The following DCC variants were observed in gnomAD, a reference collection of about 807,000 sequenced individuals.
DCC encodes the protein DCC netrin 1 receptor, also known as netrin receptor DCC.
Under a neutral mutation model 172.5 loss-of-function variants are expected in DCC, and 58 were observed. The observed-to-expected ratio is 0.34, with a 90% CI of 0.27 to 0.42. The LOEUF (loss-of-function observed/expected upper bound fraction) is 0.42. DCC is among the 10% of genes least tolerant of loss of function. DCC has a pLI of 1.00. For synonymous variants in DCC, 709 were observed against 644.5 expected, an observed-to-expected ratio of 1.10 and a Z score of -1.52; for missense variants, 1,740 against 1,791.0, an observed-to-expected ratio of 0.97 and a Z score of 0.51.
intron 1 of DCC, among the ~76,000 whole-genome samples, chr18:52,463,743 A>G (rs12456332): frequency 0.22 from 33,249 of 152,180 alleles, 4,485 homozygotes; most frequent in Admixed American, 0.31. Context: ...TGCTGAGGAT[A>G]TAACAAAAAC....
intron 1 of DCC, among the ~76,000 whole-genome samples, chr18:52,430,950 ACT>A (rs1469023767): frequency 6.6e-6 from 1 of 152,072 alleles, no homozygotes; most frequent in East Asian, 1.9e-4. Context: ...GAATTTACAA[ACT>A]CTTTATTTTT....
At chr18:52,636,117 A>T (rs552047637) in intron 1 of DCC, among the ~76,000 whole-genome samples, 7 of 152,130 alleles carry the variant, frequency 4.6e-5, no homozygotes, top group Non-Finnish European at 1.0e-4. Flanking sequence ...GAAATTTCTG[A>T]CTTTACCTGG....
intron 1 of DCC, among the ~76,000 whole-genome samples, chr18:52,685,752 T>G (rs907334154): frequency 1.3e-5 from 2 of 152,124 alleles, no homozygotes; most frequent in African/African-American, 4.8e-5. Context: ...TCAAGTACTA[T>G]TATATTTTCA....
chr18:52,491,923 T>C (rs530738612), intron 1 of DCC, among the ~76,000 whole-genome samples: 1 of 152,020 alleles, frequency 6.6e-6, no homozygotes, highest in African/African-American at 2.4e-5. Context: ...AGTGGTCTTC[T>C]AGGGGTGGTG....
intron 1 of DCC, among the ~76,000 whole-genome samples, chr18:52,483,087 T>C (rs766191411): frequency 1.3e-5 from 2 of 152,142 alleles, no homozygotes; most frequent in Admixed American, 6.6e-5. Flanking sequence ...CTTGCTGTTA[T>C]ATAACTCTAA....
At chr18:52,955,510 A>G (rs1323209160) in intron 5 of DCC, among the ~76,000 whole-genome samples, 1 of 152,118 alleles carries the variant, frequency 6.6e-6, no homozygotes, top group African/African-American at 2.4e-5. Context: ...TCTATAAACA[A>G]CTATGTGTAG....
At chr18:53,111,290 C>A (rs1312967923) in intron 7 of DCC, among the ~76,000 whole-genome samples, 1 of 148,384 alleles carries the variant, frequency 6.7e-6, no homozygotes, top group Non-Finnish European at 1.5e-5. Context: ...AGGAGATATA[C>A]CTAATGCTAA....
intron 27 of DCC, among the ~76,000 whole-genome samples, chr18:53,519,874 C>T (rs895065447): frequency 1.3e-5 from 2 of 152,150 alleles, no homozygotes; most frequent in Admixed American, 1.3e-4. Flanking sequence ...TTTGATATCC[C>T]AAAGTAATAA....
chr18:52,391,823 C>T (rs963983947), intron 1 of DCC, among the ~76,000 whole-genome samples: 6 of 152,124 alleles, frequency 3.9e-5, no homozygotes, highest in Non-Finnish European at 8.8e-5. Flanking sequence ...TATACTTAAC[C>T]TGCTTATGCC....
intron 16 of DCC, among the ~76,000 whole-genome samples, chr18:53,389,958 G>C (rs900071902): frequency 6.6e-6 from 1 of 152,184 alleles, no homozygotes; most frequent in Non-Finnish European, 1.5e-5. Context: ...AGAGGAGTTT[G>C]TAAATTAGAA....
chr18:53,501,494 TAAAA>T (rs2046097161), intron 27 of DCC, among the ~76,000 whole-genome samples: 1 of 152,220 alleles, frequency 6.6e-6, no homozygotes, highest in Non-Finnish European at 1.5e-5. Flanking sequence ...AGAAACATCT[TAAAA>T]TAATTCTGAA....
chr18:52,940,978 G>C (rs1022944030), intron 5 of DCC: 1 of 152,082 alleles, frequency 6.6e-6, no homozygotes, highest in Admixed American at 6.6e-5. Context: ...AGGCCTCAAA[G>C]GTTAACTGAA....
chr18:52,831,628 GC>G (rs5824968), intron 2 of DCC, among the ~76,000 whole-genome samples: 3,192 of 152,184 alleles, frequency 0.021, 123 homozygotes, highest in African/African-American at 0.07. Context: ...AGATTTTGGG[GC>G]CTGAGAAACT....
intron 1 of DCC, among the ~76,000 whole-genome samples, chr18:52,534,034 A>G (rs1598893929): frequency 6.6e-6 from 1 of 152,248 alleles, no homozygotes; most frequent in Non-Finnish European, 1.5e-5. Flanking sequence ...GTGCTTTAGT[A>G]GTTCATTCCT....
intron 7 of DCC, among the ~76,000 whole-genome samples, chr18:53,119,787 G>A (rs1045055162): frequency 1.3e-5 from 2 of 151,864 alleles, no homozygotes; most frequent in South Asian, 2.1e-4. Flanking sequence ...TTGCATCACC[G>A]CTGTTGGTGC....
At chr18:52,485,139 T>C (rs2030153828) in intron 1 of DCC, among the ~76,000 whole-genome samples, 1 of 152,090 alleles carries the variant, frequency 6.6e-6, no homozygotes, top group Non-Finnish European at 1.5e-5. Flanking sequence ...ACATGACATG[T>C]GGTTTCTTCT....
At chr18:53,321,203 C>T (rs2057408151) in intron 13 of DCC, among the ~76,000 whole-genome samples, 1 of 152,132 alleles carries the variant, frequency 6.6e-6, no homozygotes, top group Non-Finnish European at 1.5e-5. Context: ...TGGGGGATAA[C>T]AGTTACATTT....
intron 1 of DCC, among the ~76,000 whole-genome samples, chr18:52,442,056 G>A (rs1987987669): frequency 6.6e-6 from 1 of 152,090 alleles, no homozygotes; most frequent in Non-Finnish European, 1.5e-5. Context: ...ATTAGAGCTT[G>A]GTATTATACT....
chr18:53,000,495 T>C (rs568404983), intron 5 of DCC, among the ~76,000 whole-genome samples: 7 of 152,148 alleles, frequency 4.6e-5, no homozygotes, highest in Admixed American at 2.6e-4. Context: ...CTATAGGTTT[T>C]TTCGGTCTCT....
Sources: allele counts gnomAD v4.1 joint callset (sites outside exome capture counted in the v4.1 genomes callset), GRCh38; gene constraint gnomAD v4.1.1; transcripts MANE v1.5; gene names NCBI Gene and HGNC (gene_info 2026-07-23, HGNC 2026-07-21).